HMCN1: variants seen among roughly 807,000 people sequenced by gnomAD.
HMCN1 encodes hemicentin-1.
In HMCN1, 321 loss-of-function variants were observed where a neutral mutation model predicts 625.9. That is an observed-to-expected ratio of 0.51 (90% CI 0.47 to 0.56). The LOEUF is 0.56. Among genes scored for constraint, HMCN1 ranks in the 20% least tolerant of loss-of-function variants. The probability of loss-of-function intolerance (pLI) is 0.00; values close to 1 mark genes in which losing one functional copy is unlikely to be tolerated. For synonymous variants in HMCN1, 2,425 were observed against 2,417.6 expected (o/e 1.00, Z -0.09); for missense variants, 6,588 against 6,887.3 (o/e 0.96, Z 1.54).
At chr1:185,925,234 A>C in intron 9 of HMCN1, 43 bp downstream of exon 9, 2 of 1,554,916 alleles carry the variant, frequency 1.3e-6, no homozygotes, top group South Asian at 2.2e-5. Flanking sequence ...AGCATTTAAC[A>C]TGTAAATATA....
At chr1:185,795,752 C>T (rs1016566824) in intron 1 of HMCN1, among the ~76,000 whole-genome samples, 8 of 152,092 alleles carry the variant, frequency 5.3e-5, no homozygotes, top group Non-Finnish European at 1.2e-4. Context: ...ATTGCAACAC[C>T]GATTTCTTCC....
chr1:185,790,501 T>A (rs568188471), intron 1 of HMCN1, among the ~76,000 whole-genome samples: 3 of 152,326 alleles, frequency 2.0e-5, no homozygotes, highest in African/African-American at 7.2e-5. Context: ...TTGTGACTCT[T>A]TCTCTCTGCA....
chr1:185,743,724 T>G (rs997709655), intron 1 of HMCN1, among the ~76,000 whole-genome samples: 4 of 152,302 alleles, frequency 2.6e-5, no homozygotes, highest in African/African-American at 9.6e-5. Context: ...TAAAAATGGA[T>G]ATATGTCAAC....
intron 55 of HMCN1, among the ~76,000 whole-genome samples, chr1:186,080,895 A>G (rs145457043): frequency 1.3e-5 from 2 of 152,246 alleles, no homozygotes; most frequent in Non-Finnish European, 1.5e-5. Context: ...CTCAGAAGGT[A>G]TAGTGGGAGG....
Position 186,088,542 on chromosome 1 carries a change from A to C in HMCN1, c.9578-64A>C, listed in dbSNP as rs527277944. ...CGTAAAGTAAGACATTTTATCATGA[A>C]TTTTAGAGATGTTAAAGTTTAAAGG... On this transcript the variant is annotated intron_variant, in intron 62 of 106. Transcript: ENST00000271588. 42 of 1,551,054 alleles carry C rather than the reference A, an allele frequency of 2.7e-5. No individual in the cohort carries two copies. The South Asian group carries it at 4.8e-4, about 18-fold the overall frequency.
chr1:185,993,395 C>G, intron 23 of HMCN1, 86 bp downstream of exon 23: 1 of 1,502,066 alleles, frequency 6.7e-7, no homozygotes, highest in Non-Finnish European at 9.2e-7. Flanking sequence ...TAGTTAATTT[C>G]CAAATTGTAT....
In HMCN1 at chr1:186,063,096, A is replaced by ATG. The variant is rs1553285882; in HGVS notation, c.7513+497_7513+498insGT. Among the ~76,000 whole-genome samples, 83 of 115,396 alleles carry ATG rather than the reference A, an allele frequency of 7.2e-4. 5 individuals carry two copies. The highest frequency in any genetic ancestry group is 7.8e-3 in the Middle Eastern group (2 of 256). The allele number at this position is 115,396 out of a possible 152,430, so 75.7% of individuals were successfully genotyped here. A position where few individuals can be genotyped will look rare whatever the true frequency, so the allele number is the denominator to read the frequency against. ...TATATATATATATATATATATATATATATATATCACATTTTCATTACCCAA... is the reference window on the plus strand; with the variant it reads ...TATATATATATATATATATATATATATGTATATATCACATTTTCATTACCCAA... On this transcript the variant is annotated intron_variant, in intron 48 of 106. Coordinates refer to ENST00000271588, the MANE Select transcript of HMCN1 (RefSeq NM_031935.3).
At chr1:185,988,399 T>C (rs1281018861) in intron 20 of HMCN1, among the ~76,000 whole-genome samples, 1 of 152,260 alleles carries the variant, frequency 6.6e-6, no homozygotes, top group Non-Finnish European at 1.5e-5. Flanking sequence ...GCTAATGAAG[T>C]ATGGCATTTG....
In HMCN1 at chr1:186,038,085, A is replaced by G. The variant is rs78606652; in HGVS notation, c.5851+50A>G. The G allele has an allele frequency of 2.7e-3, 3,333 of 1,225,796 alleles. 92 individuals are homozygous for G. The East Asian group carries it at 0.064, about 24-fold the overall frequency. The allele number at this position is 1,225,796 out of a possible 1,614,324, so 75.9% of individuals were successfully genotyped here. Reference sequence around the variant, plus strand: ...ACTTAATATTTTAAGATTTCTGGGAATAACTGAAATTGGTTTTGAGCATAA... The same window carrying G: ...ACTTAATATTTTAAGATTTCTGGGAGTAACTGAAATTGGTTTTGAGCATAA... On this transcript the variant is annotated intron_variant, in intron 37 of 106. Transcript: ENST00000271588.
At chr1:185,735,182 A>G (rs920452583) in intron 1 of HMCN1, 135 bp downstream of exon 1, 3 of 1,013,102 alleles carry the variant, frequency 3.0e-6, no homozygotes, top group Admixed American at 2.1e-5. Flanking sequence ...GTTGTAACAA[A>G]GAATTACTTG....
intron 1 of HMCN1, among the ~76,000 whole-genome samples, chr1:185,807,696 CTT>C (rs1168777663): frequency 1.3e-5 from 2 of 152,078 alleles, no homozygotes; most frequent in African/African-American, 4.8e-5. Flanking sequence ...GCCTTGCATT[CTT>C]GTCTTTAGTA....
chr1:186,116,059 C>T (rs1661120829), intron 75 of HMCN1, among the ~76,000 whole-genome samples: 1 of 152,070 alleles, frequency 6.6e-6, no homozygotes, highest in Non-Finnish European at 1.5e-5. Context: ...CTTATGTCCA[C>T]TTTAACAAAA....
intron 31 of HMCN1, 94 bp downstream of exon 31, chr1:186,015,531 T>C: frequency 7.9e-7 from 1 of 1,263,594 alleles, no homozygotes; most frequent in Admixed American, 1.7e-5. Flanking sequence ...CCTTGGTGGG[T>C]TTGTCTTTTT....
In HMCN1 at chr1:185,923,616, G is replaced by C. The variant is rs1259391818; in HGVS notation, c.1248G>C (p.Gln416His). The change falls in exon 8 of 107, where the codon CAG (glutamine) becomes CAC (histidine). Residue 416 changes from glutamine (Q) to histidine (H), a missense_variant. This residue lies in a region of HMCN1 where 4,628 missense variants were observed against 4,853.1 expected (regional missense o/e 0.95). Coordinates refer to ENST00000271588, the MANE Select transcript of HMCN1 (RefSeq NM_031935.3). ...TGYDKDDYLFQRVSSVSFSSI... is the reference protein window; with the variant it reads ...TGYDKDDYLFHRVSSVSFSSI... ...ATGATAAAGATGATTACCTCTTCCA[G>C]AGAGTATCAAGTGTTTCCTTTTCTA... is the stretch of plus-strand genomic sequence containing the variant. The C allele has an allele frequency of 6.2e-7, 1 of 1,607,838 alleles. No individual in the cohort carries two copies. Among genetic ancestry groups the C allele is most frequent in the Admixed American group, 1.7e-5 (1 of 60,020 alleles).
chr1:185,781,871 G>A (rs1278763068), intron 1 of HMCN1, among the ~76,000 whole-genome samples: 12 of 152,284 alleles, frequency 7.9e-5, no homozygotes, highest in African/African-American at 2.9e-4. Context: ...GGTCTGCTTG[G>A]TGCAGAGCCG....
intron 52 of HMCN1, among the ~76,000 whole-genome samples, chr1:186,073,638 A>G (rs144933702): frequency 3.9e-5 from 6 of 152,186 alleles, no homozygotes; most frequent in Admixed American, 6.6e-5. Context: ...GAGTAAAATA[A>G]AGGGAGAGGA....
intron 2 of HMCN1, among the ~76,000 whole-genome samples, chr1:185,849,372 T>C (rs1004035303): frequency 6.6e-6 from 1 of 152,210 alleles, no homozygotes; most frequent in African/African-American, 2.4e-5. Context: ...CCTATTTTCT[T>C]GGCTGGGTCA....
chr1:185,993,084 C>T, intron 22 of HMCN1, 98 bp from the exon 23 acceptor site: 2 of 1,222,746 alleles, frequency 1.6e-6, no homozygotes, highest in East Asian at 2.4e-5. Context: ...GTTTAAAAAA[C>T]TACTTGCAGA....
At chr1:185,763,071 C>T (rs1244466843) in intron 1 of HMCN1, among the ~76,000 whole-genome samples, 1 of 152,132 alleles carries the variant, frequency 6.6e-6, no homozygotes, top group Admixed American at 6.5e-5. Flanking sequence ...AAAAGGGCAG[C>T]ATTGATTCCA....
Sources: gnomAD v4.1 joint callset for allele counts (sites outside exome capture counted in the v4.1 genomes callset) on GRCh38, gnomAD v4.1.1 for gene constraint, gnomAD v4.1.1 regional missense constraint, MANE v1.5 for transcripts, NCBI Gene and HGNC (gene_info 2026-07-23, HGNC 2026-07-21) for gene names.